The following TRABD variants were observed in gnomAD, a reference collection of about 807,000 sequenced individuals.
TRABD encodes traB domain-containing protein.
A neutral mutation model predicts 39.6 loss-of-function variants in TRABD; 23 were observed. The ratio of observed to expected loss-of-function variants is 0.58; its 90% CI spans 0.42 to 0.82. TRABD has a LOEUF of 0.82. Ranked by LOEUF, TRABD falls within the 40% of genes least tolerant of loss-of-function variation. TRABD has a pLI of 0.00. For synonymous variants in TRABD, 243 were observed against 232.1 expected, an observed-to-expected ratio of 1.05 and a Z score of -0.43; for missense variants, 487 against 544.9, an observed-to-expected ratio of 0.89 and a Z score of 1.06.
intron 2 of TRABD, 68 bp from the exon 3 acceptor site, chr22:50,193,508 A>T: frequency 6.9e-7 from 1 of 1,442,358 alleles, no homozygotes; most frequent in Non-Finnish European, 9.7e-7. Flanking sequence ...TGGTCCGTGG[A>T]GTTGCCACGG....
At chr22:50,190,218 G>A (rs1466732955) in intron 1 of TRABD, among the ~76,000 whole-genome samples, 4 of 152,206 alleles carry the variant, frequency 2.6e-5, no homozygotes, top group Non-Finnish European at 5.9e-5. Context: ...TCTGCTGAGA[G>A]GCTGCAGGGG....
chr22:50,198,330 C>A lies in TRABD; in HGVS notation c.957-15C>A. On this transcript the variant is annotated splice_polypyrimidine_tract_variant and intron_variant, in intron 9 of 9. Coordinates refer to ENST00000380909, the MANE Select transcript of TRABD (RefSeq NM_001320485.2). The surrounding 1 kb of genome is among the most constrained non-coding windows in gnomAD (Gnocchi z 7.9). ...CCCACCCCCAGCCAGGCCCAGCGCC[C>A]CCTCCCTCCCACAGCGTGCCCCCGC... is the stretch of plus-strand genomic sequence containing the variant. 6.4e-7 allele frequency: 1 copy of A among 1,552,898 alleles called. No individual in the cohort carries two copies. Among genetic ancestry groups the A allele is most frequent in the South Asian group, 1.2e-5 (1 of 83,850 alleles).
intron 7 of TRABD, 60 bp from the exon 8 acceptor site, chr22:50,197,763 A>AGCCCCCCCCCCCCCCCCCCGT: frequency 2.1e-6 from 3 of 1,439,770 alleles, no homozygotes; most frequent in East Asian, 2.3e-5. Flanking sequence ...CCACAGTGCC[A>AGCCCCCCCCCCCCCCCCCCGT]GCCCCACCCC....
intron 3 of TRABD, 48 bp from the exon 4 acceptor site, chr22:50,194,292 G>A (rs374670638): frequency 5.0e-5 from 80 of 1,588,982 alleles, no homozygotes; most frequent in Middle Eastern, 1.9e-4. Flanking sequence ...GCCCGGCGGC[G>A]TCCTTGGGGT....
chr22:50,197,776 C>CCCCCCCCCT, intron 7 of TRABD, 47 bp from the exon 8 acceptor site: 1 of 1,439,450 alleles, frequency 6.9e-7, no homozygotes, highest in Admixed American at 1.7e-5. Context: ...CCCACCCCCC[C>CCCCCCCCCT]AGCCCGTTGC....
Position 50,198,636 on chromosome 22 carries a change from C to T in TRABD, c.*117C>T. 9.5e-7 allele frequency: 1 copy of T among 1,052,920 alleles called. No individual in the cohort carries two copies. Among genetic ancestry groups the T allele is most frequent in the Admixed American group, 3.3e-5 (1 of 29,930 alleles). 65.2% of individuals were successfully genotyped at this position (1,052,920 alleles called of 1,614,324 possible). ...CTGCCACCCCCCATGGGGGTCTGGG[C>T]CCGGCCTCGCCTGCCCTCCTGGGCC... On this transcript the variant is annotated 3_prime_UTR_variant, in exon 10 of 10. Transcript: ENST00000380909. The surrounding 1 kb of genome is among the most constrained non-coding windows in gnomAD (Gnocchi z 7.9).
intron 5 of TRABD, among the ~76,000 whole-genome samples, chr22:50,195,680 T>C (rs1392822215): frequency 1.3e-5 from 2 of 151,976 alleles, no homozygotes; most frequent in Admixed American, 1.3e-4. Context: ...CCCAGGTTCA[T>C]CTCAAACTCC....
At chr22:50,196,361 A>T (rs1028888028) in intron 5 of TRABD, among the ~76,000 whole-genome samples, 2 of 152,202 alleles carry the variant, frequency 1.3e-5, no homozygotes, top group African/African-American at 4.8e-5. Flanking sequence ...CCCAGGGCTC[A>T]TGGCTCAGGC....
chr22:50,187,420 C>T (rs2063788747), intron 1 of TRABD, among the ~76,000 whole-genome samples: 1 of 152,350 alleles, frequency 6.6e-6, no homozygotes, highest in Admixed American at 6.5e-5. Context: ...AAGCTCTGGG[C>T]CACACCCTGG....
chr22:50,188,397 C>T (rs1352696072), intron 1 of TRABD, among the ~76,000 whole-genome samples: 1 of 152,214 alleles, frequency 6.6e-6, no homozygotes, highest in African/African-American at 2.4e-5. Context: ...AGCGAGTAGG[C>T]TCCTCCCACC....
chr22:50,197,141 G>C, intron 5 of TRABD, 100 bp from the exon 6 acceptor site: 1 of 1,225,842 alleles, frequency 8.2e-7, no homozygotes, highest in Non-Finnish European at 1.2e-6. Flanking sequence ...GGCTGGGGCA[G>C]GGCTCTGCGC....
chr22:50,193,103 A>C lies in TRABD; in HGVS notation c.33+10A>C. The C allele has an allele frequency of 6.5e-7, 1 of 1,542,264 alleles. No homozygotes were observed. Among genetic ancestry groups the C allele is most frequent in the East Asian group, 2.4e-5 (1 of 41,002 alleles). On this transcript the variant is annotated intron_variant, in intron 2 of 9. Transcript: ENST00000380909. ...GCAGCCACCGCACGAGGTGAGGTGGAGGCTGGGCTGGCTGCACAGAGACAG... is the reference window on the plus strand; with the variant it reads ...GCAGCCACCGCACGAGGTGAGGTGGCGGCTGGGCTGGCTGCACAGAGACAG...
intron 3 of TRABD, 123 bp downstream of exon 3, chr22:50,193,777 G>C: frequency 2.2e-6 from 2 of 927,176 alleles, no homozygotes; most frequent in South Asian, 1.5e-5. Flanking sequence ...CCCTGGCCGA[G>C]ACCTGAGGTA....
chr22:50,195,696 T>A (rs542008550), intron 5 of TRABD, among the ~76,000 whole-genome samples: 1 of 152,118 alleles, frequency 6.6e-6, no homozygotes, highest in African/African-American at 2.4e-5. Context: ...ACTCCTGAGC[T>A]CAGGCAATCC....
intron 7 of TRABD, 47 bp from the exon 8 acceptor site, chr22:50,197,776 C>CCCCCCCCAGGCCA: frequency 1.4e-6 from 2 of 1,439,454 alleles, no homozygotes; most frequent in Non-Finnish European, 1.9e-6. Context: ...CCCACCCCCC[C>CCCCCCCCAGGCCA]AGCCCGTTGC....
intron 1 of TRABD, among the ~76,000 whole-genome samples, chr22:50,191,028 G>A (rs1318021397): frequency 6.6e-6 from 1 of 152,204 alleles, no homozygotes; most frequent in Non-Finnish European, 1.5e-5. Flanking sequence ...CTGTGGAGCG[G>A]GCCCCCCTTG....
intron 5 of TRABD, among the ~76,000 whole-genome samples, chr22:50,195,964 AG>A (rs1391192028): frequency 1.3e-5 from 2 of 152,184 alleles, no homozygotes; most frequent in African/African-American, 4.8e-5. Context: ...TCTAAAGGGC[AG>A]TCCCCGGTCC....
At position 50,198,712 on chromosome 22, in the gene TRABD, G is replaced by C; in HGVS notation, c.*193G>C. 1.7e-6 allele frequency: 1 copy of C among 589,600 alleles called. No homozygotes were observed. The highest frequency in any genetic ancestry group is 2.9e-6 in the Non-Finnish European group (1 of 350,028). 36.5% of individuals were successfully genotyped at this position (589,600 alleles called of 1,614,324 possible). On this transcript the variant is annotated 3_prime_UTR_variant, in exon 10 of 10. Transcript: ENST00000380909. The surrounding 1 kb of genome is among the most constrained non-coding windows in gnomAD (Gnocchi z 7.9). Reference sequence around the variant, plus strand: ...AATAAAGGATTATTTAACTGTCTGAGCTCAGGCCTCCCGGCAGCCCCTCCC... The same window carrying C: ...AATAAAGGATTATTTAACTGTCTGACCTCAGGCCTCCCGGCAGCCCCTCCC...
Position 50,193,050 on chromosome 22 carries a change from G to A in TRABD, c.-11G>A, listed in dbSNP as rs752781030. ...AGGCTCCCCACAGGTGCAGGAAGCC[G>A]CCGCCCAGCCATGGACGGGGAGGAG... On this transcript the variant is annotated 5_prime_UTR_variant, in exon 2 of 10. Transcript: ENST00000380909. The A allele has an allele frequency of 2.8e-5, 43 of 1,544,834 alleles. No individual in the cohort carries two copies. The highest frequency in any genetic ancestry group is 9.6e-5 in the African/African-American group (7 of 73,090).
Sources: allele counts gnomAD v4.1 joint callset (sites outside exome capture counted in the v4.1 genomes callset), GRCh38; gene constraint gnomAD v4.1.1; non-coding constraint Gnocchi (gnomAD v3.1); transcripts MANE v1.5; gene names NCBI Gene and HGNC (gene_info 2026-07-23, HGNC 2026-07-21).